The following WNT7B variants were observed in gnomAD, a reference collection of about 807,000 sequenced individuals.
WNT7B encodes the protein protein Wnt-7b.
In WNT7B, 19 loss-of-function variants were observed where a neutral mutation model predicts 38.2. The ratio of observed to expected loss-of-function variants is 0.50; its 90% CI spans 0.35 to 0.73. The LOEUF is 0.73. WNT7B is among the 30% of genes least tolerant of loss of function. The pLI is 0.01. For synonymous variants in WNT7B, 243 were observed against 209.3 expected (o/e 1.16, Z -1.39); for missense variants, 423 against 507.9 (o/e 0.83, Z 1.61).
At chr22:45,940,743 G>A (rs749441975) in intron 2 of WNT7B, among the ~76,000 whole-genome samples, 20 of 152,228 alleles carry the variant, frequency 1.3e-4, no homozygotes, top group African/African-American at 1.9e-4. Flanking sequence ...TAGGGTGGCT[G>A]GAGGGACTGG....
At position 45,922,657 on chromosome 22, in the gene WNT7B, G is replaced by A; in HGVS notation, c.*199C>T. Reference sequence around the variant, plus strand: ...TGCTGTTCTGCCGCAGGAGGTGATGGGAGGAGGTGGCAGGAAGGAGCCCCA... The same window carrying A: ...TGCTGTTCTGCCGCAGGAGGTGATGAGAGGAGGTGGCAGGAAGGAGCCCCA... On this transcript the variant is annotated 3_prime_UTR_variant, in exon 4 of 4. Coordinates refer to ENST00000339464, the MANE Select transcript of WNT7B (RefSeq NM_058238.3). 3 of 831,160 alleles carry A rather than the reference G, an allele frequency of 3.6e-6. No homozygotes were observed. The highest frequency in any genetic ancestry group is 5.4e-6 in the Non-Finnish European group (3 of 552,126). 51.5% of individuals were successfully genotyped at this position (831,160 alleles called of 1,614,324 possible).
intron 2 of WNT7B, among the ~76,000 whole-genome samples, chr22:45,949,451 A>G (rs895267663): frequency 6.6e-6 from 1 of 152,026 alleles, no homozygotes; most frequent in African/African-American, 2.4e-5. Context: ...TACGACATTC[A>G]CACAGCACTT....
intron 3 of WNT7B, among the ~76,000 whole-genome samples, chr22:45,929,854 ATCCT>A (rs1475645578): frequency 7.6e-6 from 1 of 131,552 alleles, no homozygotes; most frequent in Non-Finnish European, 1.6e-5. Flanking sequence ...CCACCCACTC[ATCCT>A]TCCATCCATC....
At position 45,923,205 on chromosome 22, in the gene WNT7B, G is replaced by A. The variant is rs766589553; in HGVS notation, c.701C>T (p.Ala234Val). The part of the protein sequence containing the change: ...VGHLLKEKYN[A>V]AVQVEVVRAS... ...CCGCACCACCTCCACCTGCACGGCC[G>A]CGTTGTACTTCTCCTTCAGCAGGTG... The change falls in exon 4 of 4, where the codon GCG becomes GTG. Residue 234 changes from alanine (A) to valine (V), a missense_variant. Ala to Val is a moderately conservative substitution (Grantham distance 64). Around this residue, in one of 3 missense-constraint regions of WNT7B, gnomAD observed 158 missense variants for 214.7 expected, o/e 0.74. Coordinates refer to ENST00000339464, the MANE Select transcript of WNT7B (RefSeq NM_058238.3). 38 of 1,613,048 alleles carry A rather than the reference G, an allele frequency of 2.4e-5. No homozygotes were observed. The highest frequency in any genetic ancestry group is 3.3e-5 in the Admixed American group (2 of 60,010).
chr22:45,971,470 C>G (rs1253855122), intron 1 of WNT7B, among the ~76,000 whole-genome samples: 1 of 152,216 alleles, frequency 6.6e-6, no homozygotes, highest in Non-Finnish European at 1.5e-5. Context: ...GCCCCGTGGG[C>G]TCTGCCTTGC....
intron 1 of WNT7B, among the ~76,000 whole-genome samples, chr22:45,958,004 A>G (rs1932112449): frequency 6.6e-6 from 1 of 152,220 alleles, no homozygotes; most frequent in Non-Finnish European, 1.5e-5. Flanking sequence ...ACGCAGCGAG[A>G]AGGTTAAGTG....
rs768525199 is a variant in WNT7B, at chr22:45,923,339, C to T, written c.571-4G>A. ...GCTGCATCCGGTCCTCTAGAACCTG[C>T]GGGTGACAGGGAAGCTGCTCGGCAC... On this transcript the variant is annotated splice_region_variant and splice_polypyrimidine_tract_variant and intron_variant, in intron 3 of 3. Coordinates refer to ENST00000339464, the MANE Select transcript of WNT7B (RefSeq NM_058238.3). 49 of 1,593,216 alleles carry T rather than the reference C, an allele frequency of 3.1e-5. No individual in the cohort carries two copies. Among genetic ancestry groups the T allele is most frequent in the Non-Finnish European group, 3.7e-5 (43 of 1,166,904 alleles).
chr22:45,974,951 T>C (rs1409852022), intron 1 of WNT7B, among the ~76,000 whole-genome samples: 2 of 152,112 alleles, frequency 1.3e-5, no homozygotes, highest in Non-Finnish European at 2.9e-5. Context: ...CTCCTTCTGC[T>C]GTCTATGGGG....
At chr22:45,929,673 CTTCCCTCCATACTTCCATCCACCCATCT>C (rs1409987316) in intron 3 of WNT7B, among the ~76,000 whole-genome samples, 1 of 119,856 alleles carries the variant, frequency 8.3e-6, no homozygotes, top group Non-Finnish European at 1.8e-5. Flanking sequence ...CCCGCCCATC[CTTCCCTCCATACTTCCATCCACCCATCT>C]TTCCATCCAC....
At chr22:45,955,461 C>G (rs1411459915) in intron 1 of WNT7B, among the ~76,000 whole-genome samples, 1 of 152,240 alleles carries the variant, frequency 6.6e-6, no homozygotes, top group Admixed American at 6.5e-5. Flanking sequence ...TCAGCAAACC[C>G]TGCGGGGCGG....
At chr22:45,925,995 C>T in intron 3 of WNT7B, 1 of 985,428 alleles carries the variant, frequency 1.0e-6, no homozygotes, top group Non-Finnish European at 1.2e-6. Flanking sequence ...TCCCTGTCTC[C>T]CGGTCTTCAT....
At chr22:45,932,252 C>G (rs1333630463) in intron 2 of WNT7B, among the ~76,000 whole-genome samples, 1 of 152,220 alleles carries the variant, frequency 6.6e-6, no homozygotes, top group Non-Finnish European at 1.5e-5. Flanking sequence ...GCCCTCTCTC[C>G]CCATCCTCTG....
intron 1 of WNT7B, chr22:45,972,113 G>GGA: frequency 1.8e-6 from 1 of 569,758 alleles, no homozygotes. Flanking sequence ...AGGCCCGGGG[G>GGA]GAGCCCACCC....
Position 45,975,748 on chromosome 22 carries a change from G to A in WNT7B, c.71+936C>T, listed in dbSNP as rs1347004388. On this transcript the variant is annotated intron_variant, in intron 1 of 3. Transcript: ENST00000339464. The surrounding 1 kb of genome is among the most constrained non-coding windows in gnomAD (Gnocchi z 6.6). ...CGGCGGCGCACAGTAGGCGCGCAGGGCGCGGCGGGGCCCGGGTCCCCGCAG... is the reference window on the plus strand; with the variant it reads ...CGGCGGCGCACAGTAGGCGCGCAGGACGCGGCGGGGCCCGGGTCCCCGCAG... The A allele has an allele frequency of 2.6e-6, 1 of 389,250 alleles. No individual in the cohort carries two copies. The highest frequency in any genetic ancestry group is 3.9e-5 in the East Asian group (1 of 25,740). The allele number at this position is 389,250 out of a possible 1,614,324, so 24.1% of individuals were successfully genotyped here. A position where few individuals can be genotyped will look rare whatever the true frequency, so the allele number is the denominator to read the frequency against.
rs1191525814 is a variant in WNT7B, at chr22:45,951,560, G to A, written c.72-1414C>T. 2.6e-5 allele frequency among the ~76,000 whole-genome samples: 4 copies of A among 152,158 alleles called. No individual in the cohort carries two copies. Among genetic ancestry groups the A allele is most frequent in the South Asian group, 2.1e-4 (1 of 4,814 alleles). On this transcript the variant is annotated intron_variant, in intron 1 of 3. Transcript: ENST00000339464. The surrounding 1 kb of genome is among the most constrained non-coding windows in gnomAD (Gnocchi z 4.8). Reference sequence around the variant, plus strand: ...AGTCACTCCCCGTTCTCCCCTCCCCGACCCAGCAACCACCAGTCTGCTTTC... The same window carrying A: ...AGTCACTCCCCGTTCTCCCCTCCCCAACCCAGCAACCACCAGTCTGCTTTC...
chr22:45,926,290 C>G, intron 3 of WNT7B: 1 of 985,428 alleles, frequency 1.0e-6, no homozygotes, highest in South Asian at 4.7e-5. Flanking sequence ...GACCACCTGG[C>G]AGGGCACAGA....
intron 3 of WNT7B, chr22:45,926,859 C>T: frequency 1.0e-6 from 1 of 985,420 alleles, no homozygotes; most frequent in Non-Finnish European, 1.2e-6. Flanking sequence ...GTGCCCCTCC[C>T]AGGATCCGGC....
chr22:45,949,939 G>A lies in WNT7B; in HGVS notation c.279C>T (p.Phe93=), dbSNP rs780000423. The change falls in exon 2 of 4, where the codon TTC becomes TTT. Residue 93 remains phenylalanine, a synonymous_variant. Coordinates refer to ENST00000339464, the MANE Select transcript of WNT7B (RefSeq NM_058238.3). Reference sequence around the variant, plus strand: ...CCTTACCTACTCGGAGCTCTTGCCCGAAGACGGTCTTCTCGCCGAGGGCAG... The same window carrying A: ...CCTTACCTACTCGGAGCTCTTGCCCAAAGACGGTCTTCTCGCCGAGGGCAG... The part of the protein sequence containing the change: ...NCSALGEKTV[F]GQELRVGSRE... 5.6e-6 allele frequency: 9 copies of A among 1,609,354 alleles called. No homozygotes were observed. Among genetic ancestry groups the A allele is most frequent in the South Asian group, 4.4e-5 (4 of 91,050 alleles).
At chr22:45,963,078 C>T (rs749407657) in intron 1 of WNT7B, among the ~76,000 whole-genome samples, 1 of 152,206 alleles carries the variant, frequency 6.6e-6, no homozygotes, top group African/African-American at 2.4e-5. Flanking sequence ...AGCCTCAGGC[C>T]GCAGTCCTGA....
Sources: gnomAD v4.1 joint callset for allele counts (sites outside exome capture counted in the v4.1 genomes callset) on GRCh38, gnomAD v4.1.1 for gene constraint, gnomAD v4.1.1 regional missense constraint, Gnocchi (gnomAD v3.1) non-coding constraint, MANE v1.5 for transcripts, NCBI Gene and HGNC (gene_info 2026-07-23, HGNC 2026-07-21) for gene names.